The following ZNF76 variants were observed in gnomAD, a reference collection of about 807,000 sequenced individuals.
ZNF76 encodes the protein zinc finger protein 523.
In ZNF76, 66 loss-of-function variants were observed where a neutral mutation model predicts 66.9. The ratio of observed to expected loss-of-function variants is 0.99; its 90% CI spans 0.81 to 1.21. ZNF76 has a LOEUF of 1.21. Among genes scored for constraint, ZNF76 ranks in the 50% most tolerant of loss-of-function variants. The pLI is 0.00. For missense variants in ZNF76, 729 were observed against 760.3 expected, an observed-to-expected ratio of 0.96 and a Z score of 0.48; for synonymous variants, 275 against 296.1, an observed-to-expected ratio of 0.93 and a Z score of 0.73.
rs760393947 is a variant in ZNF76 at position 35,287,700 on chromosome 6, C to T, written c.287C>T (p.Ala96Val). The T allele has an allele frequency of 1.3e-5, 21 of 1,614,092 alleles. No homozygotes were observed. The highest frequency in any genetic ancestry group is 2.5e-6 in the Non-Finnish European group (3 of 1,180,022). Residue 96 changes from alanine (A) to valine (V), a missense_variant, in exon 5 of 14, where the codon GCC (alanine) becomes GTC (valine). Transcript: ENST00000373953. This position sits in a 1 kb window ranked among gnomAD's most constrained non-coding sequence, Gnocchi z 4.0. Reference sequence around the variant, plus strand: ...GTCCAACTGGAAGATGGCTCCACTGCCTACATTCACCACCCTGTGGCTGTG... The same window carrying T: ...GTCCAACTGGAAGATGGCTCCACTGTCTACATTCACCACCCTGTGGCTGTG... ...EAVQLEDGST[A>V]YIHHPVAVPS...
intron 1 of ZNF76, among the ~76,000 whole-genome samples, chr6:35,276,209 T>C (rs1787872537): frequency 6.6e-6 from 1 of 152,198 alleles, no homozygotes; most frequent in Non-Finnish European, 1.5e-5. Context: ...AAAATAAATA[T>C]TAGCATGAGC....
rs768397439 is a variant in ZNF76 at position 35,287,780 on chromosome 6, G to T, written c.367G>T (p.Ala123Ser). 1 of 1,613,858 alleles carries T rather than the reference G, an allele frequency of 6.2e-7. No homozygotes were observed. The highest frequency in any genetic ancestry group is 1.1e-5 in the South Asian group (1 of 91,018). The change falls in exon 5 of 14, where the codon GCA becomes TCA. Residue 123 changes from alanine (A) to serine (S), a missense_variant. Physicochemically the swap from Ala to Ser is moderately conservative, Grantham distance 99. Transcript: ENST00000373953. This position sits in a 1 kb window ranked among gnomAD's most constrained non-coding sequence, Gnocchi z 4.0. Reference protein sequence around the residue: ...VQTEVGLEDLAAEDDEGFSAD... With the variant: ...VQTEVGLEDLSAEDDEGFSAD... Reference sequence around the variant, plus strand: ...GACAGAGGTGGGCTTGGAGGACCTGGCAGCAGAGGATGATGAGGGCTTCAG... The same window carrying T: ...GACAGAGGTGGGCTTGGAGGACCTGTCAGCAGAGGATGATGAGGGCTTCAG...
At chr6:35,275,438 C>T (rs1007229045) in intron 1 of ZNF76, among the ~76,000 whole-genome samples, 4 of 152,188 alleles carry the variant, frequency 2.6e-5, no homozygotes, top group African/African-American at 9.7e-5. Flanking sequence ...ACATAGCCAT[C>T]CTGAAGCAGT....
chr6:35,267,079 T>G (rs992880379), intron 1 of ZNF76, among the ~76,000 whole-genome samples: 115 of 151,460 alleles, frequency 7.6e-4, no homozygotes, highest in Middle Eastern at 3.4e-3. Context: ...GATTACAGGC[T>G]TGAGCCACTG....
At chr6:35,275,079 C>T (rs149736239) in intron 1 of ZNF76, among the ~76,000 whole-genome samples, 2,072 of 152,024 alleles carry the variant, frequency 0.014, 59 homozygotes, top group African/African-American at 0.047. Context: ...TACTTGAACC[C>T]AGGAGGCGGA....
chr6:35,294,587 A>G lies in ZNF76; in HGVS notation c.1608+18A>G. The G allele has an allele frequency of 6.5e-7, 1 of 1,549,670 alleles. No individual in the cohort carries two copies. Among genetic ancestry groups the G allele is most frequent in the Non-Finnish European group, 8.9e-7 (1 of 1,121,298 alleles). On this transcript the variant is annotated intron_variant, in intron 13 of 13. Coordinates refer to ENST00000373953, the MANE Select transcript of ZNF76 (RefSeq NM_003427.5). ...CAGTGCAGGTGAGTAGAGATCTGGG[A>G]GGAAAGGGGATCCCACGGCCAGAGA... is the stretch of plus-strand genomic sequence containing the variant.
chr6:35,287,465 C>T lies in ZNF76; in HGVS notation c.233-181C>T, dbSNP rs1789728866. On this transcript the variant is annotated intron_variant, in intron 4 of 13. Transcript: ENST00000373953. This position sits in a 1 kb window ranked among gnomAD's most constrained non-coding sequence, Gnocchi z 4.0. ...TTTAGTGTACCATAGGAGACCTCAT[C>T]CTTAGGTGAGACAGCTGCAGAAGGA... Among the ~76,000 whole-genome samples, 5 of 152,076 alleles carry T rather than the reference C, an allele frequency of 3.3e-5. No homozygotes were observed. The South Asian group carries it at 1.0e-3, about 31-fold the overall frequency.
At chr6:35,286,441 A>C in intron 4 of ZNF76, 42 bp downstream of exon 4, 1 of 1,584,890 alleles carries the variant, frequency 6.3e-7, no homozygotes, top group Non-Finnish European at 8.6e-7. Flanking sequence ...GATGGGAGGC[A>C]GGACTGGAGG....
rs964949053 is a variant in ZNF76, at chr6:35,295,506, C to A, written c.*258C>A. On this transcript the variant is annotated 3_prime_UTR_variant, in exon 14 of 14. Transcript: ENST00000373953. ...AGGCTACACCAGGGCACCCGCCTCTCAAAATCAGCTGGGCGCCCACTCTCC... is the reference window on the plus strand; with the variant it reads ...AGGCTACACCAGGGCACCCGCCTCTAAAAATCAGCTGGGCGCCCACTCTCC... The A allele has an allele frequency of 1.0e-5, 5 of 490,894 alleles. No homozygotes were observed. Among genetic ancestry groups the A allele is most frequent in the African/African-American group, 5.9e-5 (3 of 51,276 alleles). The allele number at this position is 490,894 out of a possible 1,614,324, so 30.4% of individuals were successfully genotyped here. A position where few individuals can be genotyped will look rare whatever the true frequency, so the allele number is the denominator to read the frequency against.
chr6:35,266,764 A>G (rs1385983537), intron 1 of ZNF76, among the ~76,000 whole-genome samples: 1 of 150,862 alleles, frequency 6.6e-6, no homozygotes, highest in Non-Finnish European at 1.5e-5. Flanking sequence ...TCATCTGCAA[A>G]ATGACTGCTT....
Position 35,265,520 on chromosome 6 carries a change from AAAG to A in ZNF76, c.-97+5697_-97+5699del, listed in dbSNP as rs200688463. Among the ~76,000 whole-genome samples the A allele has an allele frequency of 6.8e-3, 1,017 of 149,204 alleles. 8 individuals carry two copies. Among genetic ancestry groups the A allele is most frequent in the African/African-American group, 0.019 (734 of 39,136 alleles). On this transcript the variant is annotated intron_variant, in intron 1 of 13. Coordinates refer to ENST00000373953, the MANE Select transcript of ZNF76 (RefSeq NM_003427.5). The stretch of plus-strand genomic sequence containing the variant: ...AGACTCTGTCTCAAAAAAAAAAAAA[AAAG>A]AAGAAGAAGAAGAAGAAAATGCCAG...
intron 1 of ZNF76, chr6:35,270,276 A>G (rs1337579231): frequency 1.3e-5 from 2 of 152,180 alleles, no homozygotes; most frequent in South Asian, 2.1e-4. Flanking sequence ...AGCTGGGCCT[A>G]CAGGCACGTG....
chr6:35,293,034 G>A lies in ZNF76; in HGVS notation c.1319G>A (p.Gly440Asp). 6.2e-7 allele frequency: 1 copy of A among 1,613,974 alleles called. No individual in the cohort carries two copies. Among genetic ancestry groups the A allele is most frequent in the Non-Finnish European group, 8.5e-7 (1 of 1,179,990 alleles). ...APQVALITQD[G>D]AQQVSLSPED... ...CAGGTGGCTCTGATCACTCAGGATGGTGCCCAGCAGGTACAGGCCCTGGAG... is the reference window on the plus strand; with the variant it reads ...CAGGTGGCTCTGATCACTCAGGATGATGCCCAGCAGGTACAGGCCCTGGAG... The change falls in exon 11 of 14, where the codon GGT becomes GAT. Residue 440 changes from glycine to aspartate, a missense_variant. Physicochemically the swap from Gly to Asp is moderately conservative, Grantham distance 94. Transcript: ENST00000373953.
intron 2 of ZNF76, among the ~76,000 whole-genome samples, chr6:35,285,639 CTA>C (rs2150365948): frequency 6.6e-6 from 1 of 152,312 alleles, no homozygotes; most frequent in Non-Finnish European, 1.5e-5. Context: ...GTTCCAGAGT[CTA>C]TTGTTTTTAA....
Position 35,293,043 on chromosome 6 carries a change from A to G in ZNF76, c.1328A>G (p.Gln443Arg). Reference sequence around the variant, plus strand: ...CTGATCACTCAGGATGGTGCCCAGCAGGTACAGGCCCTGGAGGGCAGAGGT... The same window carrying G: ...CTGATCACTCAGGATGGTGCCCAGCGGGTACAGGCCCTGGAGGGCAGAGGT... ...VALITQDGAQ[Q>R]VSLSPEDLQA... is the part of the protein sequence containing the mutation. Residue 443 changes from glutamine (Q) to arginine (R), a missense_variant and splice_region_variant, in exon 11 of 14, where the codon CAG becomes CGG. Physicochemically the swap from Gln to Arg is conservative, Grantham distance 43. Transcript: ENST00000373953. 6.2e-7 allele frequency: 1 copy of G among 1,613,914 alleles called. No individual in the cohort carries two copies. The highest frequency in any genetic ancestry group is 2.2e-5 in the East Asian group (1 of 44,888).
intron 1 of ZNF76, among the ~76,000 whole-genome samples, chr6:35,266,523 T>C (rs1786103428): frequency 6.6e-6 from 1 of 152,194 alleles, no homozygotes; most frequent in Non-Finnish European, 1.5e-5. Flanking sequence ...ACATGTCAAG[T>C]TCGAAGTGTT....
At position 35,287,988 on chromosome 6, in the gene ZNF76, T is replaced by G; in HGVS notation, c.432+143T>G. ...TGGGCACCATGTGGGATATTCCCTT[T>G]GCCCCTCCACCCCAGCTCCCCCAAC... On this transcript the variant is annotated intron_variant, in intron 5 of 13. Transcript: ENST00000373953. The surrounding 1 kb of genome is among the most constrained non-coding windows in gnomAD (Gnocchi z 4.0). The G allele has an allele frequency of 1.0e-6, 1 of 960,182 alleles. No homozygotes were observed. The allele number at this position is 960,182 out of a possible 1,614,324, so 59.5% of individuals were successfully genotyped here.
intron 1 of ZNF76, among the ~76,000 whole-genome samples, chr6:35,262,705 T>G (rs1188402555): frequency 1.3e-5 from 2 of 152,164 alleles, no homozygotes; most frequent in Non-Finnish European, 2.9e-5. Flanking sequence ...ACCTGAAACC[T>G]TCATATAATT....
intron 1 of ZNF76, among the ~76,000 whole-genome samples, chr6:35,275,754 A>G (rs889988844): frequency 6.6e-6 from 1 of 152,212 alleles, no homozygotes; most frequent in Non-Finnish European, 1.5e-5. Flanking sequence ...GAGAACATGA[A>G]AAGGAGTGGA....
Sources: allele counts gnomAD v4.1 joint callset (sites outside exome capture counted in the v4.1 genomes callset), GRCh38; gene constraint gnomAD v4.1.1; non-coding constraint Gnocchi (gnomAD v3.1); transcripts MANE v1.5; gene names NCBI Gene and HGNC (gene_info 2026-07-23, HGNC 2026-07-21).